The following SLC22A9 variants were observed in gnomAD, a reference collection of about 807,000 sequenced individuals.
SLC22A9 encodes organic anion transporter 7.
Under a neutral mutation model 50.1 loss-of-function variants are expected in SLC22A9, and 64 were observed. The ratio of observed to expected loss-of-function variants is 1.28; its 90% CI spans 1.04 to 1.57. The LOEUF is 1.57. SLC22A9 is among the 40% of genes most tolerant of loss of function. The probability of loss-of-function intolerance (pLI) is 0.00; values close to 1 mark genes in which losing one functional copy is unlikely to be tolerated. For missense variants in SLC22A9, 757 were observed against 676.1 expected, an observed-to-expected ratio of 1.12 and a Z score of -1.33; for synonymous variants, 261 against 242.5, an observed-to-expected ratio of 1.08 and a Z score of -0.71.
intron 6 of SLC22A9, among the ~76,000 whole-genome samples, chr11:63,405,206 T>C (rs1304334295): frequency 2.6e-5 from 4 of 152,108 alleles, no homozygotes; most frequent in African/African-American, 9.7e-5. Flanking sequence ...CACTTAAAGT[T>C]TGCAGGTAAA....
intron 6 of SLC22A9, among the ~76,000 whole-genome samples, chr11:63,398,157 C>G (rs1305094847): frequency 6.6e-6 from 1 of 152,176 alleles, no homozygotes; most frequent in Non-Finnish European, 1.5e-5. Context: ...CCTTCTGCCC[C>G]TGGAGATGTC....
chr11:63,405,742 C>T (rs953302486), intron 6 of SLC22A9, among the ~76,000 whole-genome samples: 1 of 152,088 alleles, frequency 6.6e-6, no homozygotes, highest in African/African-American at 2.4e-5. Flanking sequence ...TAAATTTTTA[C>T]TTTTAATTTT....
Position 63,409,882 on chromosome 11 carries a change from G to T in SLC22A9, c.*20G>T, listed in dbSNP as rs199799094. The T allele has an allele frequency of 3.2e-5, 52 of 1,612,874 alleles. No individual in the cohort carries two copies. In the East Asian group the frequency reaches 1.1e-3, roughly 33 times the overall value. ...TTTTAAGGAATTCCAGGAGCTGACT[G>T]CCGATCAATGAGCCAGATGAAGGGA... On this transcript the variant is annotated 3_prime_UTR_variant, in exon 10 of 10. Transcript: ENST00000279178.
intron 6 of SLC22A9, among the ~76,000 whole-genome samples, chr11:63,389,589 C>T (rs1200389299): frequency 6.6e-6 from 1 of 152,140 alleles, no homozygotes; most frequent in African/African-American, 2.4e-5. Flanking sequence ...CACTGATGGG[C>T]ATTTGGGTTG....
chr11:63,409,799 T>C lies in SLC22A9; in HGVS notation c.1602-3T>C. 1 of 1,613,462 alleles carries C rather than the reference T, an allele frequency of 6.2e-7. No individual in the cohort carries two copies. Among genetic ancestry groups the C allele is most frequent in the Admixed American group, 1.7e-5 (1 of 59,934 alleles). ...TTTGTTGGTTTCTTTGTATTTGTTCTAGGAGAAAAGACCCCAGAGAACCAA... is the reference window on the plus strand; with the variant it reads ...TTTGTTGGTTTCTTTGTATTTGTTCCAGGAGAAAAGACCCCAGAGAACCAA... On this transcript the variant is annotated splice_region_variant and splice_polypyrimidine_tract_variant and intron_variant, in intron 9 of 9. Coordinates refer to ENST00000279178, the MANE Select transcript of SLC22A9 (RefSeq NM_080866.3).
chr11:63,370,849 T>C (rs2014342669), intron 1 of SLC22A9, among the ~76,000 whole-genome samples: 3 of 152,196 alleles, frequency 2.0e-5, no homozygotes, highest in Non-Finnish European at 4.4e-5. Context: ...GAGGGAAATT[T>C]AGGTTTCTAA....
chr11:63,370,151 A>G lies in SLC22A9; in HGVS notation c.95A>G (p.Tyr32Cys). 6.2e-7 allele frequency: 1 copy of G among 1,613,966 alleles called. No individual in the cohort carries two copies. Among genetic ancestry groups the G allele is most frequent in the Non-Finnish European group, 8.5e-7 (1 of 1,179,910 alleles). ...CTCTCAATCTTTGCTGTTGCTACAT[A>G]CCTTCATTTTATGCTGGAGAACTTC... ...VFLSIFAVAT[Y>C]LHFMLENFTA... is the part of the protein sequence containing the mutation. The change falls in exon 1 of 10, where the codon TAC becomes TGC. Residue 32 changes from tyrosine (Y) to cysteine (C), a missense_variant. Physicochemically the swap from Tyr to Cys is radical, Grantham distance 194 (BLOSUM62 -2). Transcript: ENST00000279178.
At chr11:63,385,537 T>A (rs1354068374) in intron 6 of SLC22A9, among the ~76,000 whole-genome samples, 1 of 152,124 alleles carries the variant, frequency 6.6e-6, no homozygotes, top group Admixed American at 6.6e-5. Context: ...TCCTAGGTAT[T>A]TTATTCTCTT....
chr11:63,391,178 A>G (rs75313192), intron 6 of SLC22A9, among the ~76,000 whole-genome samples: 8 of 152,200 alleles, frequency 5.3e-5, no homozygotes, highest in South Asian at 4.1e-4. Flanking sequence ...GTGGCCAGAT[A>G]AGACACTTAA....
chr11:63,369,867 A>G lies in SLC22A9; in HGVS notation c.-190A>G. 1 of 540,418 alleles carries G rather than the reference A, an allele frequency of 1.9e-6. No homozygotes were observed. Among genetic ancestry groups the G allele is most frequent in the Non-Finnish European group, 3.2e-6 (1 of 315,000 alleles). The allele number at this position is 540,418 out of a possible 1,614,324, so 33.5% of individuals were successfully genotyped here. A position where few individuals can be genotyped will look rare whatever the true frequency, so the allele number is the denominator to read the frequency against. ...TTTAGAGAAAACGGCTACCTATCTG[A>G]CCCCAAAACGACTTGAGGAAACTGT... is the stretch of plus-strand genomic sequence containing the variant. On this transcript the variant is annotated 5_prime_UTR_variant, in exon 1 of 10. Transcript: ENST00000279178.
intron 6 of SLC22A9, among the ~76,000 whole-genome samples, chr11:63,392,144 T>C (rs1033798266): frequency 3.9e-5 from 6 of 152,062 alleles, no homozygotes; most frequent in Non-Finnish European, 8.8e-5. Flanking sequence ...TTTTTAACCT[T>C]TTCTTGTTTT....
chr11:63,397,503 T>C (rs2014879926), intron 6 of SLC22A9, among the ~76,000 whole-genome samples: 1 of 152,196 alleles, frequency 6.6e-6, no homozygotes, highest in South Asian at 2.1e-4. Flanking sequence ...GGTCTATAGA[T>C]GCCATCCAGC....
intron 6 of SLC22A9, among the ~76,000 whole-genome samples, chr11:63,404,062 A>G (rs1565189948): frequency 6.6e-6 from 1 of 152,170 alleles, no homozygotes; most frequent in Non-Finnish European, 1.5e-5. Flanking sequence ...TCATTGCAGC[A>G]TTATTCACAA....
chr11:63,396,658 T>C (rs539512702), intron 6 of SLC22A9, among the ~76,000 whole-genome samples: 26 of 152,218 alleles, frequency 1.7e-4, no homozygotes, highest in Non-Finnish European at 3.5e-4. Context: ...GATGCAAGCC[T>C]CCAAACACTG....
intron 6 of SLC22A9, among the ~76,000 whole-genome samples, chr11:63,404,889 C>T (rs2015010530): frequency 6.6e-6 from 1 of 152,038 alleles, no homozygotes; most frequent in Admixed American, 6.6e-5. Context: ...GTTTTTCAGA[C>T]AGAAAGCGTA....
At chr11:63,408,328 A>C in intron 8 of SLC22A9, 108 bp downstream of exon 8, 2 of 876,020 alleles carry the variant, frequency 2.3e-6, no homozygotes, top group Non-Finnish European at 3.6e-6. Flanking sequence ...AAAATAAATC[A>C]TAACAGTCAT....
At chr11:63,405,595 C>G (rs1382609172) in intron 6 of SLC22A9, among the ~76,000 whole-genome samples, 1 of 152,008 alleles carries the variant, frequency 6.6e-6, no homozygotes, top group African/African-American at 2.4e-5. Flanking sequence ...TACACAGGAC[C>G]AACTACACAG....
At chr11:63,371,272 G>A (rs1169243711) in intron 2 of SLC22A9, 34 bp downstream of exon 2, 4 of 1,465,818 alleles carry the variant, frequency 2.7e-6, no homozygotes, top group Non-Finnish European at 1.9e-6. Context: ...CTCTTTAAGG[G>A]CATTTTTTAT....
intron 4 of SLC22A9, among the ~76,000 whole-genome samples, chr11:63,375,215 T>G (rs2014439469): frequency 6.6e-6 from 1 of 152,200 alleles, no homozygotes; most frequent in Non-Finnish European, 1.5e-5. Context: ...ACAGATGATA[T>G]GACCAGGAGT....
Sources: allele counts gnomAD v4.1 joint callset (sites outside exome capture counted in the v4.1 genomes callset), GRCh38; gene constraint gnomAD v4.1.1; transcripts MANE v1.5; gene names NCBI Gene and HGNC (gene_info 2026-07-23, HGNC 2026-07-21).